The following IGF1R variants were observed in gnomAD, a reference collection of about 807,000 sequenced individuals.
IGF1R encodes the protein insulin-like growth factor 1 receptor.
Under a neutral mutation model 144.6 loss-of-function variants are expected in IGF1R, and 44 were observed. The ratio of observed to expected loss-of-function variants is 0.30; its 90% confidence interval spans 0.24 to 0.39. IGF1R has a LOEUF of 0.39. Among genes scored for constraint, IGF1R ranks in the 10% least tolerant of loss-of-function variants. IGF1R has a pLI of 1.00. For missense variants in IGF1R, 1,355 were observed against 1,833.7 expected (o/e 0.74, Z 4.77); for synonymous variants, 795 against 722.8 (o/e 1.10, Z -1.60).
intron 2 of IGF1R, among the ~76,000 whole-genome samples, chr15:98,781,337 T>C (rs767783214): frequency 3.7e-4 from 56 of 152,134 alleles, no homozygotes; most frequent in Non-Finnish European, 5.4e-4. Flanking sequence ...AAAAAAGAAA[T>C]GGGTTTTAGG....
intron 13 of IGF1R, 113 bp downstream of exon 13, chr15:98,924,797 C>A: frequency 1.0e-6 from 1 of 1,000,920 alleles, no homozygotes; most frequent in Non-Finnish European, 1.6e-6. Context: ...TGGAGTTGGC[C>A]AGCTTCCAGA....
At chr15:98,802,388 G>A (rs973259382) in intron 2 of IGF1R, among the ~76,000 whole-genome samples, 1 of 152,168 alleles carries the variant, frequency 6.6e-6, no homozygotes, top group Non-Finnish European at 1.5e-5. Context: ...AGCTGGAGCA[G>A]GGTGTGGCTG....
intron 2 of IGF1R, among the ~76,000 whole-genome samples, chr15:98,761,341 G>C (rs2055291029): frequency 6.6e-6 from 1 of 152,224 alleles, no homozygotes. Flanking sequence ...GAGGGAGGGA[G>C]AAAACAATGC....
intron 2 of IGF1R, among the ~76,000 whole-genome samples, chr15:98,732,569 G>A (rs1191816213): frequency 6.6e-6 from 1 of 152,218 alleles, no homozygotes; most frequent in African/African-American, 2.4e-5. Flanking sequence ...TGAGCATGGG[G>A]AAGGGGGTCG....
chr15:98,845,603 C>T (rs1293004070), intron 2 of IGF1R, among the ~76,000 whole-genome samples: 1 of 146,828 alleles, frequency 6.8e-6, no homozygotes, highest in East Asian at 2.0e-4. Context: ...TCTTCTCTCT[C>T]TACCATTGCT....
At chr15:98,714,655 A>G (rs2054073070) in intron 2 of IGF1R, among the ~76,000 whole-genome samples, 1 of 152,094 alleles carries the variant, frequency 6.6e-6, no homozygotes, top group East Asian at 1.9e-4. Flanking sequence ...CTGAGAAAAA[A>G]AAAAAAAGAT....
chr15:98,745,851 G>C (rs79979652), intron 2 of IGF1R, among the ~76,000 whole-genome samples: 1 of 152,204 alleles, frequency 6.6e-6, no homozygotes, highest in African/African-American at 2.4e-5. Flanking sequence ...GCAAATTGGC[G>C]TTATAAATGC....
chr15:98,888,997 C>T (rs967587902), intron 2 of IGF1R, among the ~76,000 whole-genome samples: 5 of 152,172 alleles, frequency 3.3e-5, no homozygotes, highest in Admixed American at 3.3e-4. Flanking sequence ...GATGGCCATG[C>T]CCTCTTTGTT....
intron 6 of IGF1R, among the ~76,000 whole-genome samples, chr15:98,910,599 T>C (rs1422555777): frequency 6.6e-6 from 1 of 152,206 alleles, no homozygotes; most frequent in African/African-American, 2.4e-5. Context: ...CTGGTCCTTA[T>C]CGTAGTTTGA....
chr15:98,958,673 T>G lies in IGF1R; in HGVS notation c.*1231T>G. Reference sequence around the variant, plus strand: ...GTCACTTTTATAACTTTTTTACGGTTCAGATATTCATCTATACGTCTGTAC... The same window carrying G: ...GTCACTTTTATAACTTTTTTACGGTGCAGATATTCATCTATACGTCTGTAC... On this transcript the variant is annotated 3_prime_UTR_variant, in exon 21 of 21. Transcript: ENST00000650285. 8.6e-6 allele frequency: 2 copies of G among 231,496 alleles called. No individual in the cohort carries two copies. Among genetic ancestry groups the G allele is most frequent in the East Asian group, 1.2e-4 (2 of 16,308 alleles). 14.3% of individuals were successfully genotyped at this position (231,496 alleles called of 1,614,324 possible). A position where few individuals can be genotyped will look rare whatever the true frequency, so the allele number is the denominator to read the frequency against.
intron 2 of IGF1R, among the ~76,000 whole-genome samples, chr15:98,845,068 C>T (rs887042430): frequency 1.3e-5 from 2 of 152,254 alleles, no homozygotes; most frequent in African/African-American, 2.4e-5. Flanking sequence ...CCTTGTTAGC[C>T]GTGGAACGAC....
Position 98,702,425 on chromosome 15 carries a change from G to C in IGF1R, c.95-5137G>C, listed in dbSNP as rs557909607. ...GAGTGCAGTGGTGTGATCTTGACTT[G>C]TTGCAACGTCTGCCTTGTGGGTTCA... is the stretch of plus-strand genomic sequence containing the variant. On this transcript the variant is annotated intron_variant, in intron 1 of 20. Transcript: ENST00000650285. 1.1e-4 allele frequency among the ~76,000 whole-genome samples: 16 copies of C among 152,150 alleles called. No homozygotes were observed. The Middle Eastern group carries it at 0.01, about 97-fold the overall frequency.
chr15:98,703,644 A>G (rs2053789933), intron 1 of IGF1R, among the ~76,000 whole-genome samples: 1 of 152,096 alleles, frequency 6.6e-6, no homozygotes, highest in Non-Finnish European at 1.5e-5. Flanking sequence ...AAGTATGGAG[A>G]CTGCTCTTTC....
chr15:98,661,373 A>G (rs951331991), intron 1 of IGF1R, among the ~76,000 whole-genome samples: 9 of 152,210 alleles, frequency 5.9e-5, no homozygotes, highest in Non-Finnish European at 1.2e-4. Context: ...GTTGGTGTCA[A>G]GGGGACTCCT....
intron 2 of IGF1R, among the ~76,000 whole-genome samples, chr15:98,734,310 A>T (rs60943171): frequency 6.6e-6 from 1 of 152,228 alleles, no homozygotes; most frequent in East Asian, 1.9e-4. Context: ...TTTTAAAAAA[A>T]TTAAAATGGT....
At chr15:98,869,336 G>T (rs369570026) in intron 2 of IGF1R, among the ~76,000 whole-genome samples, 2 of 149,908 alleles carry the variant, frequency 1.3e-5, no homozygotes, top group African/African-American at 4.9e-5. Flanking sequence ...ACCACATACC[G>T]CATGGGTATT....
At chr15:98,888,438 A>AGAGAGAGTGTGT (rs1555457179) in intron 2 of IGF1R, among the ~76,000 whole-genome samples, 2,723 of 143,404 alleles carry the variant, frequency 0.019, 35 homozygotes, top group African/African-American at 0.031. Context: ...AGAGAGAGAG[A>AGAGAGAGTGTGT]GTGTGTGTGT....
rs574516893 is a variant in IGF1R, at chr15:98,935,103, C to G, written c.3186+50C>G. 8 of 1,424,878 alleles carry G rather than the reference C, an allele frequency of 5.6e-6. No individual in the cohort carries two copies. In the South Asian group the frequency reaches 9.3e-5, roughly 16 times the overall value. The allele number at this position is 1,424,878 out of a possible 1,614,324, so 88.3% of individuals were successfully genotyped here. A position where few individuals can be genotyped will look rare whatever the true frequency, so the allele number is the denominator to read the frequency against. On this transcript the variant is annotated intron_variant, in intron 16 of 20. Coordinates refer to ENST00000650285, the MANE Select transcript of IGF1R (RefSeq NM_000875.5). This position sits in a 1 kb window ranked among gnomAD's most constrained non-coding sequence, Gnocchi z 4.2. ...AAAATGCAGCACAGGGAGAGGGTAT[C>G]ACACAAGCCTCCCAGTATGTTCTTG...
chr15:98,847,205 G>T (rs1482556818), intron 2 of IGF1R, among the ~76,000 whole-genome samples: 1 of 152,174 alleles, frequency 6.6e-6, no homozygotes, highest in Non-Finnish European at 1.5e-5. Flanking sequence ...TCGAACTCCT[G>T]ACCTCAAGTG....
Sources: gnomAD v4.1 joint callset for allele counts (sites outside exome capture counted in the v4.1 genomes callset) on GRCh38, gnomAD v4.1.1 for gene constraint, Gnocchi (gnomAD v3.1) non-coding constraint, MANE v1.5 for transcripts, NCBI Gene and HGNC (gene_info 2026-07-23, HGNC 2026-07-21) for gene names.